Variants in MAMDC2 observed in about 807,000 individuals in gnomAD.
The protein encoded by MAMDC2 is MAM domain-containing protein 2.
A neutral mutation model predicts 89.8 loss-of-function variants in MAMDC2; 57 were observed. That is an observed-to-expected ratio of 0.63 (90% CI 0.51 to 0.79). The LOEUF is 0.79. Ranked by LOEUF, MAMDC2 falls within the 30% of genes least tolerant of loss-of-function variation. The pLI, the probability that MAMDC2 is intolerant of heterozygous loss-of-function variation, is 0.00. For synonymous variants in MAMDC2, 313 were observed against 293.4 expected (o/e 1.07, Z -0.68); for missense variants, 800 against 820.6 (o/e 0.97, Z 0.31).
At chr9:70,121,501 T>C (rs1182623596) in intron 5 of MAMDC2, among the ~76,000 whole-genome samples, 1 of 152,156 alleles carries the variant, frequency 6.6e-6, no homozygotes, top group Non-Finnish European at 1.5e-5. Flanking sequence ...GCAGAACAGA[T>C]TGTAGAGGAA....
rs1453826072 is a variant in MAMDC2 at position 70,096,295 on chromosome 9, G to A, written c.149-11916G>A. Among the ~76,000 whole-genome samples, 4 of 152,254 alleles carry A rather than the reference G, an allele frequency of 2.6e-5. No individual in the cohort carries two copies. In the East Asian group the frequency reaches 5.8e-4, roughly 22 times the overall value. On this transcript the variant is annotated intron_variant, in intron 2 of 13. Coordinates refer to ENST00000377182, the MANE Select transcript of MAMDC2 (RefSeq NM_153267.5). Reference sequence around the variant, plus strand: ...AGCCTCCCAAAGTGCTGGGATTACAGCTGTGAGCCACTGCACCAGTCTGGG... The same window carrying A: ...AGCCTCCCAAAGTGCTGGGATTACAACTGTGAGCCACTGCACCAGTCTGGG...
chr9:70,134,885 T>C (rs141010334), intron 7 of MAMDC2, among the ~76,000 whole-genome samples: 150 of 152,250 alleles, frequency 9.9e-4, no homozygotes, highest in African/African-American at 3.4e-3. Context: ...TGGCACATGC[T>C]AGAGTAAAAC....
chr9:70,145,477 C>T (rs764554457), intron 9 of MAMDC2, among the ~76,000 whole-genome samples: 1 of 152,178 alleles, frequency 6.6e-6, no homozygotes, highest in Non-Finnish European at 1.5e-5. Context: ...TTTCTCTGCA[C>T]TTCTTAGGGA....
chr9:70,133,599 A>G (rs2030889319), intron 7 of MAMDC2, among the ~76,000 whole-genome samples: 1 of 152,204 alleles, frequency 6.6e-6, no homozygotes, highest in South Asian at 2.1e-4. Flanking sequence ...TGCTCAATCC[A>G]CCAGGAATGT....
chr9:70,211,049 G>C (rs2033345144), intron 11 of MAMDC2, among the ~76,000 whole-genome samples: 1 of 152,180 alleles, frequency 6.6e-6, no homozygotes, highest in Non-Finnish European at 1.5e-5. Context: ...CTTTCTGGCT[G>C]CCCTTAACAT....
At chr9:70,090,761 A>G (rs1164136817) in intron 2 of MAMDC2, 1 of 152,174 alleles carries the variant, frequency 6.6e-6, no homozygotes, top group Non-Finnish European at 1.5e-5. Context: ...GTCTTCTTCC[A>G]TGGTTATACT....
At chr9:70,112,396 C>T (rs1422696108) in intron 4 of MAMDC2, among the ~76,000 whole-genome samples, 2 of 152,120 alleles carry the variant, frequency 1.3e-5, no homozygotes, top group Non-Finnish European at 2.9e-5. Flanking sequence ...TCTGCCCCAC[C>T]TATTTTACCT....
At position 70,059,660 on chromosome 9, in the gene MAMDC2, T is replaced by C. The variant is rs554427918; in HGVS notation, c.148+14963T>C. On this transcript the variant is annotated intron_variant, in intron 2 of 13. Coordinates refer to ENST00000377182, the MANE Select transcript of MAMDC2 (RefSeq NM_153267.5). ...ATAAAGTACAGGTAGAGAGAAAGCT[T>C]CTGCTACAACATTCAGTTCTTTTTG... Among the ~76,000 whole-genome samples the C allele has an allele frequency of 6.6e-5, 10 of 152,334 alleles. No individual in the cohort carries two copies. The East Asian group carries it at 7.7e-4, about 12-fold the overall frequency.
chr9:70,151,934 G>A (rs2031594793), intron 9 of MAMDC2, among the ~76,000 whole-genome samples: 1 of 152,090 alleles, frequency 6.6e-6, no homozygotes, highest in African/African-American at 2.4e-5. Context: ...GTGTTCTTGA[G>A]GGCCCAACTC....
At chr9:70,167,127 G>A (rs1292935867) in intron 9 of MAMDC2, among the ~76,000 whole-genome samples, 1 of 151,782 alleles carries the variant, frequency 6.6e-6, no homozygotes, top group East Asian at 1.9e-4. Flanking sequence ...ATTAACAGAA[G>A]TAAACGAGAA....
Position 70,218,357 on chromosome 9 carries a change from G to A in MAMDC2, c.1672G>A (p.Ala558Thr), listed in dbSNP as rs1193156490. Residue 558 changes from alanine (A) to threonine (T), a missense_variant, in exon 12 of 14, where the codon GCC (alanine) becomes ACC (threonine). Coordinates refer to ENST00000377182, the MANE Select transcript of MAMDC2 (RefSeq NM_153267.5). The stretch of plus-strand genomic sequence containing the variant: ...TCAAGGCTACTACATGTACATTGAG[G>A]CCTCCCATATGGTGTATGGACAAAA... ...TGVGYYMYIEASHMVYGQKAR... is the reference protein window; with the variant it reads ...TGVGYYMYIETSHMVYGQKAR... 6.2e-7 allele frequency: 1 copy of A among 1,613,412 alleles called. No homozygotes were observed. The highest frequency in any genetic ancestry group is 1.7e-5 in the Admixed American group (1 of 59,980).
At chr9:70,122,748 T>A (rs937670919) in intron 5 of MAMDC2, among the ~76,000 whole-genome samples, 1 of 152,218 alleles carries the variant, frequency 6.6e-6, no homozygotes, top group Non-Finnish European at 1.5e-5. Flanking sequence ...ACTAAAATGT[T>A]AAGATTATTT....
intron 5 of MAMDC2, among the ~76,000 whole-genome samples, chr9:70,122,667 T>C (rs1228856234): frequency 1.3e-5 from 2 of 152,180 alleles, no homozygotes; most frequent in African/African-American, 4.8e-5. Context: ...TATTTGAAAA[T>C]TGGAAGGGTA....
chr9:70,060,037 C>T (rs541416945), intron 2 of MAMDC2, among the ~76,000 whole-genome samples: 1 of 152,342 alleles, frequency 6.6e-6, no homozygotes, highest in East Asian at 1.9e-4. Flanking sequence ...TTAAGTTCAA[C>T]CTTCCTCACA....
intron 2 of MAMDC2, among the ~76,000 whole-genome samples, chr9:70,094,621 T>TA (rs1005978742): frequency 2.6e-5 from 4 of 152,066 alleles, no homozygotes; most frequent in Non-Finnish European, 4.4e-5. Flanking sequence ...ATTTCCATAA[T>TA]AAAAAAGAGT....
intron 2 of MAMDC2, among the ~76,000 whole-genome samples, chr9:70,106,225 A>T (rs1268118931): frequency 6.6e-6 from 1 of 152,020 alleles, no homozygotes; most frequent in Non-Finnish European, 1.5e-5. Flanking sequence ...GGAAAAGGGG[A>T]GGGAGAGAAA....
At chr9:70,144,993 T>C (rs1241242027) in intron 9 of MAMDC2, among the ~76,000 whole-genome samples, 2 of 152,230 alleles carry the variant, frequency 1.3e-5, no homozygotes, top group Non-Finnish European at 2.9e-5. Context: ...AAATCTTTTG[T>C]TTCCATTGCT....
chr9:70,188,901 G>A (rs1241627698), intron 11 of MAMDC2, among the ~76,000 whole-genome samples: 1 of 149,760 alleles, frequency 6.7e-6, no homozygotes, highest in East Asian at 2.0e-4. Context: ...ACCACTCCTG[G>A]CCCTCAATTA....
intron 2 of MAMDC2, chr9:70,082,607 A>G (rs558160656): frequency 9.1e-4 from 139 of 152,244 alleles, no homozygotes; most frequent in African/African-American, 3.0e-3. Flanking sequence ...ATTTTTAAAT[A>G]TATATATCCT....
Sources: gnomAD v4.1 joint callset for allele counts (sites outside exome capture counted in the v4.1 genomes callset) on GRCh38, gnomAD v4.1.1 for gene constraint, MANE v1.5 for transcripts, NCBI Gene and HGNC (gene_info 2026-07-23, HGNC 2026-07-21) for gene names.